The following THSD4 variants were observed in gnomAD, a reference collection of about 807,000 sequenced individuals.
THSD4 encodes thrombospondin type-1 domain-containing protein 4.
In THSD4, 69 loss-of-function variants were observed where a neutral mutation model predicts 119.0. The ratio of observed to expected loss-of-function variants is 0.58; its 90% confidence interval spans 0.48 to 0.71. The LOEUF (loss-of-function observed/expected upper bound fraction) is 0.71, where lower values mean the gene tolerates loss of function less well. THSD4 is among the 30% of genes least tolerant of loss of function. The probability of loss-of-function intolerance (pLI) is 0.00; values close to 1 mark genes in which losing one functional copy is unlikely to be tolerated. For synonymous variants in THSD4, 524 were observed against 540.4 expected, an observed-to-expected ratio of 0.97 and a Z score of 0.42; for missense variants, 1,393 against 1,391.1, an observed-to-expected ratio of 1.00 and a Z score of -0.02.
At chr15:71,423,127 C>T (rs2046829133) in intron 7 of THSD4, among the ~76,000 whole-genome samples, 1 of 152,130 alleles carries the variant, frequency 6.6e-6, no homozygotes, top group South Asian at 2.1e-4. Flanking sequence ...GAAATCCTGT[C>T]CAAGTCCCAA....
At chr15:71,330,385 C>T (rs1436001867) in intron 6 of THSD4, among the ~76,000 whole-genome samples, 13 of 152,142 alleles carry the variant, frequency 8.5e-5, no homozygotes, top group African/African-American at 1.7e-4. Flanking sequence ...ACGCAGCACA[C>T]GGTAGGTATT....
chr15:71,619,297 T>C (rs2050377974), intron 7 of THSD4, among the ~76,000 whole-genome samples: 1 of 152,198 alleles, frequency 6.6e-6, no homozygotes, highest in Admixed American at 6.5e-5. Context: ...TATATCTTTC[T>C]GCATCTTTAC....
intron 7 of THSD4, among the ~76,000 whole-genome samples, chr15:71,649,274 T>G (rs1239729304): frequency 6.9e-6 from 1 of 145,580 alleles, no homozygotes; most frequent in East Asian, 2.4e-4. Flanking sequence ...GCTTTTTTGT[T>G]TGTTTTTTGT....
chr15:71,319,318 T>C (rs1247726335), intron 6 of THSD4, among the ~76,000 whole-genome samples: 1 of 151,996 alleles, frequency 6.6e-6, no homozygotes, highest in Non-Finnish European at 1.5e-5. Flanking sequence ...TGTATACATG[T>C]GCCATGTTGG....
At chr15:71,467,888 C>T (rs34782804) in intron 7 of THSD4, among the ~76,000 whole-genome samples, 23,094 of 146,790 alleles carry the variant, frequency 0.16, 2,240 homozygotes, top group East Asian at 0.3. Flanking sequence ...TTGCTCTTGT[C>T]GCCCAGCTGC....
At chr15:71,169,837 CA>C (rs2043337001) in intron 3 of THSD4, among the ~76,000 whole-genome samples, 2 of 152,106 alleles carry the variant, frequency 1.3e-5, no homozygotes, top group Non-Finnish European at 2.9e-5. Flanking sequence ...GTATGCTAGG[CA>C]GAACCTGTTA....
chr15:71,601,652 T>C (rs947617733), intron 7 of THSD4, among the ~76,000 whole-genome samples: 1 of 152,234 alleles, frequency 6.6e-6, no homozygotes, highest in Non-Finnish European at 1.5e-5. Context: ...GACTTCAGAT[T>C]TGTGAATCAC....
At chr15:71,377,459 G>C (rs2046153586) in intron 6 of THSD4, among the ~76,000 whole-genome samples, 1 of 152,074 alleles carries the variant, frequency 6.6e-6, no homozygotes, top group Admixed American at 6.6e-5. Context: ...GGGAATGTCT[G>C]CATCGGGGTG....
chr15:71,347,174 C>T (rs2045675237), intron 6 of THSD4, among the ~76,000 whole-genome samples: 1 of 151,952 alleles, frequency 6.6e-6, no homozygotes, highest in Non-Finnish European at 1.5e-5. Context: ...GTGCCCGGCT[C>T]ATTCTCATTT....
chr15:71,438,326 TTTTG>T (rs66459940), intron 7 of THSD4, among the ~76,000 whole-genome samples: 79,398 of 151,432 alleles, frequency 0.52, 21,337 homozygotes, highest in East Asian at 0.69. Flanking sequence ...GCTTATGAAA[TTTTG>T]TTTATTTTTG....
intron 6 of THSD4, among the ~76,000 whole-genome samples, chr15:71,377,575 C>T (rs1286412204): frequency 2.6e-5 from 4 of 151,946 alleles, no homozygotes; most frequent in Non-Finnish European, 5.9e-5. Flanking sequence ...AGAAGGTGGT[C>T]GTCTGCAGTG....
At chr15:71,565,896 A>G (rs1184236357) in intron 7 of THSD4, among the ~76,000 whole-genome samples, 1 of 152,190 alleles carries the variant, frequency 6.6e-6, no homozygotes, top group Non-Finnish European at 1.5e-5. Context: ...CTTAGAACAA[A>G]GTATGATGAT....
At chr15:71,119,966 T>G (rs879705593) in intron 1 of THSD4, among the ~76,000 whole-genome samples, 10 of 152,238 alleles carry the variant, frequency 6.6e-5, no homozygotes, top group Non-Finnish European at 1.2e-4. Context: ...GGCAAAGCCC[T>G]AAGGCACATA....
intron 7 of THSD4, among the ~76,000 whole-genome samples, chr15:71,591,529 T>A (rs4322617): frequency 1.3e-5 from 2 of 152,100 alleles, no homozygotes; most frequent in Non-Finnish European, 2.9e-5. Context: ...TGGGCTTCCC[T>A]GTCACACATG....
intron 7 of THSD4, among the ~76,000 whole-genome samples, chr15:71,600,665 T>C (rs1285641257): frequency 6.6e-6 from 1 of 152,202 alleles, no homozygotes; most frequent in Non-Finnish European, 1.5e-5. Flanking sequence ...ACTCATTACA[T>C]TCTAGACACT....
intron 8 of THSD4, 140 bp from the exon 9 acceptor site, chr15:71,728,409 G>A (rs2052905897): frequency 9.8e-7 from 1 of 1,018,920 alleles, no homozygotes; most frequent in Admixed American, 2.4e-5. Flanking sequence ...TGGCGCCCCA[G>A]GGCCTGGATC....
chr15:71,309,313 ATACC>A (rs1012181723), intron 6 of THSD4, among the ~76,000 whole-genome samples: 2 of 152,158 alleles, frequency 1.3e-5, no homozygotes, highest in African/African-American at 2.4e-5. Flanking sequence ...CTTTGGAAAA[ATACC>A]TATTCAAATC....
intron 6 of THSD4, among the ~76,000 whole-genome samples, chr15:71,377,942 C>T (rs1566961577): frequency 8.0e-6 from 1 of 124,658 alleles, no homozygotes; most frequent in East Asian, 2.2e-4. Context: ...TTCTGAAAGC[C>T]AACCTGAAAA....
intron 7 of THSD4, among the ~76,000 whole-genome samples, chr15:71,430,671 C>T (rs2046930720): frequency 1.4e-5 from 2 of 143,940 alleles, no homozygotes; most frequent in Admixed American, 7.3e-5. Context: ...GCACAAGAAT[C>T]ACTTGAACCC....
Sources: gnomAD v4.1 joint callset for allele counts (sites outside exome capture counted in the v4.1 genomes callset) on GRCh38, gnomAD v4.1.1 for gene constraint, MANE v1.5 for transcripts, NCBI Gene and HGNC (gene_info 2026-07-23, HGNC 2026-07-21) for gene names.